KCNH1: variants seen among roughly 807,000 people sequenced by gnomAD.
The protein encoded by KCNH1 is potassium voltage-gated channel subfamily H member 1.
In KCNH1, 27 loss-of-function variants were observed where a neutral mutation model predicts 69.2. The ratio of observed to expected loss-of-function variants is 0.39; its 90% CI spans 0.29 to 0.54. The LOEUF is 0.54. Ranked by LOEUF, KCNH1 falls within the 20% of genes least tolerant of loss-of-function variation. KCNH1 has a pLI of 0.68. For synonymous variants in KCNH1, 456 were observed against 487.7 expected (o/e 0.93, Z 0.86); for missense variants, 798 against 1,261.6 (o/e 0.63, Z 5.57).
chr1:210,793,410 T>C (rs530204440), intron 9 of KCNH1, among the ~76,000 whole-genome samples: 1 of 152,360 alleles, frequency 6.6e-6, no homozygotes, highest in South Asian at 2.1e-4. Flanking sequence ...AAATTCTGTG[T>C]ATAACTGTGT....
At chr1:211,053,008 C>T (rs1162545854) in intron 5 of KCNH1, among the ~76,000 whole-genome samples, 1 of 152,020 alleles carries the variant, frequency 6.6e-6, no homozygotes, top group Non-Finnish European at 1.5e-5. Flanking sequence ...TTGTGTAGTT[C>T]ATAAAAAAAT....
chr1:211,079,229 A>C (rs1690800561), intron 5 of KCNH1, among the ~76,000 whole-genome samples: 1 of 152,338 alleles, frequency 6.6e-6, no homozygotes, highest in East Asian at 1.9e-4. Context: ...GAAATGGATA[A>C]ATTCCTGGAC....
chr1:210,913,796 A>G (rs73071566), intron 7 of KCNH1, among the ~76,000 whole-genome samples: 3,510 of 152,320 alleles, frequency 0.023, 135 homozygotes, highest in African/African-American at 0.081. Flanking sequence ...ATTTCTACTC[A>G]GGCACATGAC....
chr1:211,068,175 G>C (rs1690568540), intron 5 of KCNH1, among the ~76,000 whole-genome samples: 1 of 152,204 alleles, frequency 6.6e-6, no homozygotes, highest in African/African-American at 2.4e-5. Flanking sequence ...TTTCCTAGCA[G>C]TGGGAGAGGT....
chr1:211,070,537 G>T (rs1690622824), intron 5 of KCNH1, among the ~76,000 whole-genome samples: 6 of 150,466 alleles, frequency 4.0e-5, no homozygotes, highest in Admixed American at 4.0e-4. Context: ...AAAACTCAGA[G>T]GGGAGGCCAG....
intron 6 of KCNH1, among the ~76,000 whole-genome samples, chr1:210,954,514 CCCA>C (rs1688130142): frequency 6.6e-6 from 1 of 152,226 alleles, no homozygotes; most frequent in Non-Finnish European, 1.5e-5. Context: ...AATTTACACT[CCCA>C]CCAACAGTGT....
Position 210,924,717 on chromosome 1 carries a change from C to T in KCNH1, c.1033-4648G>A, listed in dbSNP as rs191830134. On this transcript the variant is annotated intron_variant, in intron 6 of 10. Transcript: ENST00000271751. Reference sequence around the variant, plus strand: ...GAACCAGGGACTGGCCTACCAGGCACATATCACCACCAGCAATGCTGTCAC... The same window carrying T: ...GAACCAGGGACTGGCCTACCAGGCATATATCACCACCAGCAATGCTGTCAC... Among the ~76,000 whole-genome samples the T allele has an allele frequency of 2.3e-3, 354 of 152,272 alleles. 10 individuals are homozygous for T. The highest frequency in any genetic ancestry group is 0.022 in the Admixed American group (334 of 15,298).
chr1:210,738,050 G>T (rs1682921371), intron 10 of KCNH1, among the ~76,000 whole-genome samples: 1 of 152,090 alleles, frequency 6.6e-6, no homozygotes, highest in African/African-American at 2.4e-5. Flanking sequence ...AGGCCCACAA[G>T]AATGAGTTTC....
chr1:210,997,132 CT>C (rs1219676675), intron 6 of KCNH1, among the ~76,000 whole-genome samples: 1 of 152,196 alleles, frequency 6.6e-6, no homozygotes, highest in Non-Finnish European at 1.5e-5. Context: ...AACACAGCTC[CT>C]CACCAGCAAC....
intron 7 of KCNH1, among the ~76,000 whole-genome samples, chr1:210,915,460 G>A (rs1470748416): frequency 6.6e-6 from 1 of 152,122 alleles, no homozygotes; most frequent in East Asian, 1.9e-4. Context: ...ATGCATAGGA[G>A]AGATTACATG....
chr1:211,086,219 G>C (rs1455456122), intron 4 of KCNH1, among the ~76,000 whole-genome samples: 1 of 152,122 alleles, frequency 6.6e-6, no homozygotes, highest in African/African-American at 2.4e-5. Context: ...CCCTACTTCT[G>C]TCTGGGTTTC....
chr1:211,051,159 G>A (rs1372249537), intron 5 of KCNH1, among the ~76,000 whole-genome samples: 1 of 151,972 alleles, frequency 6.6e-6, no homozygotes. Flanking sequence ...CACCACACCT[G>A]GCTAATGTTT....
At chr1:210,813,924 C>T (rs190503463) in intron 7 of KCNH1, among the ~76,000 whole-genome samples, 1 of 152,282 alleles carries the variant, frequency 6.6e-6, no homozygotes, top group African/African-American at 2.4e-5. Context: ...AGTTTCCCCA[C>T]ACAAGTTTTC....
At chr1:211,005,742 T>A (rs538850272) in intron 6 of KCNH1, among the ~76,000 whole-genome samples, 38 of 152,238 alleles carry the variant, frequency 2.5e-4, no homozygotes, top group Admixed American at 2.2e-3. Flanking sequence ...AATTGATATA[T>A]TTCTCTAAAT....
chr1:210,724,337 C>G (rs1682540536), intron 10 of KCNH1, among the ~76,000 whole-genome samples: 1 of 151,882 alleles, frequency 6.6e-6, no homozygotes, highest in Admixed American at 6.6e-5. Flanking sequence ...AATGTGCAGC[C>G]AAGGCTGGAT....
rs183863027 is a variant in KCNH1, at chr1:210,766,156, G to T, written c.2112+9192C>A. On this transcript the variant is annotated intron_variant, in intron 10 of 10. Coordinates refer to ENST00000271751, the MANE Select transcript of KCNH1 (RefSeq NM_172362.3). ...TAGATTTGTATATTTTTGTTGGTTG[G>T]TTGGTTGTTTCACTGATTGACTCAT... 3.3e-5 allele frequency among the ~76,000 whole-genome samples: 5 copies of T among 152,274 alleles called. No homozygotes were observed. The East Asian group carries it at 9.7e-4, about 29-fold the overall frequency.
At chr1:210,862,943 G>T (rs371252969) in intron 7 of KCNH1, among the ~76,000 whole-genome samples, 1 of 152,146 alleles carries the variant, frequency 6.6e-6, no homozygotes, top group African/African-American at 2.4e-5. Context: ...GGGCTGTCTG[G>T]CAGGAAAACC....
chr1:211,053,470 G>A (rs988190535), intron 5 of KCNH1, among the ~76,000 whole-genome samples: 2 of 152,116 alleles, frequency 1.3e-5, no homozygotes, highest in African/African-American at 4.8e-5. Flanking sequence ...CTGCTGGAGC[G>A]ACAAGGAGCT....
At chr1:210,698,716 A>G (rs1381831345) in intron 10 of KCNH1, among the ~76,000 whole-genome samples, 1 of 152,164 alleles carries the variant, frequency 6.6e-6, no homozygotes, top group Non-Finnish European at 1.5e-5. Flanking sequence ...TATTTCCATG[A>G]CCTTGCACAA....
Sources: gnomAD v4.1 joint callset for allele counts (sites outside exome capture counted in the v4.1 genomes callset) on GRCh38, gnomAD v4.1.1 for gene constraint, MANE v1.5 for transcripts, NCBI Gene and HGNC (gene_info 2026-07-23, HGNC 2026-07-21) for gene names.